EIPR1: variants seen among roughly 807,000 people sequenced by gnomAD.
EIPR1 encodes the protein EARP and GARP complex-interacting protein 1.
In EIPR1, 25 loss-of-function variants were observed where a neutral mutation model predicts 48.1. The ratio of observed to expected loss-of-function variants is 0.52; its 90% CI spans 0.38 to 0.73. The LOEUF (loss-of-function observed/expected upper bound fraction) is 0.73, where lower values mean the gene tolerates loss of function less well. Ranked by LOEUF, EIPR1 falls within the 30% of genes least tolerant of loss-of-function variation. The pLI is 0.00. For synonymous variants in EIPR1, 204 were observed against 201.9 expected (o/e 1.01, Z -0.09); for missense variants, 415 against 506.2 (o/e 0.82, Z 1.73).
intron 4 of EIPR1, among the ~76,000 whole-genome samples, chr2:3,239,589 C>T (rs1029172514): frequency 5.3e-5 from 8 of 152,236 alleles, no homozygotes; most frequent in African/African-American, 1.9e-4. Context: ...CTGCCCTCAG[C>T]ACAGCGCAAA....
At chr2:3,227,553 G>A (rs905696545) in intron 4 of EIPR1, among the ~76,000 whole-genome samples, 1 of 152,220 alleles carries the variant, frequency 6.6e-6, no homozygotes, top group Admixed American at 6.5e-5. Flanking sequence ...CATTTTCTGG[G>A]GAGAAATTCA....
chr2:3,319,430 T>G (rs1419353822), intron 3 of EIPR1: 3 of 171,260 alleles, frequency 1.8e-5, no homozygotes, highest in Non-Finnish European at 3.8e-5. Context: ...GGAGCTGTCA[T>G]TGTCATCATC....
intron 3 of EIPR1, among the ~76,000 whole-genome samples, chr2:3,296,948 G>T (rs913442495): frequency 2.6e-5 from 4 of 152,240 alleles, no homozygotes; most frequent in African/African-American, 9.6e-5. Flanking sequence ...TTCCTTAGGG[G>T]TTTCCAATTA....
chr2:3,208,559 G>C (rs747177363), intron 5 of EIPR1: 26 of 1,549,558 alleles, frequency 1.7e-5, no homozygotes, highest in Middle Eastern at 3.3e-4. Context: ...ATGACCATTT[G>C]TTGGGAAAAG....
intron 4 of EIPR1, among the ~76,000 whole-genome samples, chr2:3,215,640 C>T (rs924328817): frequency 1.3e-5 from 2 of 152,344 alleles, no homozygotes; most frequent in Non-Finnish European, 2.9e-5. Context: ...GAATTTCATT[C>T]CATGTGCTTT....
intron 1 of EIPR1, among the ~76,000 whole-genome samples, chr2:3,371,058 G>C (rs1041007564): frequency 6.6e-6 from 1 of 152,204 alleles, no homozygotes; most frequent in African/African-American, 2.4e-5. Flanking sequence ...AACTCTACAA[G>C]CCAGGAGAGA....
chr2:3,214,013 C>T (rs1322952546), intron 5 of EIPR1, 136 bp downstream of exon 5: 14 of 644,816 alleles, frequency 2.2e-5, no homozygotes, highest in Admixed American at 8.3e-5. Flanking sequence ...CCCAACCCCA[C>T]GACAGGCCCT....
chr2:3,208,385 T>C, intron 5 of EIPR1: 1 of 1,389,234 alleles, frequency 7.2e-7, no homozygotes, highest in Non-Finnish European at 9.5e-7. Context: ...GCATCAGACC[T>C]GACCCACAGC....
intron 2 of EIPR1, among the ~76,000 whole-genome samples, chr2:3,348,069 G>C (rs995102499): frequency 1.3e-5 from 2 of 151,220 alleles, no homozygotes; most frequent in East Asian, 1.9e-4. Context: ...ACTTGCAGGC[G>C]GGGGGGCTGC....
intron 4 of EIPR1, among the ~76,000 whole-genome samples, chr2:3,223,912 C>T (rs1328784761): frequency 2.0e-5 from 3 of 152,160 alleles, no homozygotes; most frequent in Non-Finnish European, 4.4e-5. Flanking sequence ...GCAGAAAGTG[C>T]TCCTCTGTGG....
At chr2:3,354,335 G>T (rs553289573) in intron 2 of EIPR1, among the ~76,000 whole-genome samples, 64 of 152,344 alleles carry the variant, frequency 4.2e-4, no homozygotes, top group Middle Eastern at 6.8e-3. Flanking sequence ...CGGAAGTCAT[G>T]CCAAACAGAG....
At chr2:3,338,671 G>A (rs923466262) in intron 2 of EIPR1, among the ~76,000 whole-genome samples, 2 of 152,144 alleles carry the variant, frequency 1.3e-5, no homozygotes, top group Admixed American at 1.3e-4. Context: ...AGTGAGAAAG[G>A]GCTGTATATT....
chr2:3,277,433 A>G (rs749909498), intron 3 of EIPR1, among the ~76,000 whole-genome samples: 7 of 152,242 alleles, frequency 4.6e-5, no homozygotes, highest in Non-Finnish European at 8.8e-5. Context: ...CCTTGACCCC[A>G]TGTCAAAGAT....
intron 3 of EIPR1, chr2:3,282,435 C>T (rs1668040816): frequency 6.6e-6 from 1 of 152,332 alleles, no homozygotes; most frequent in African/African-American, 2.4e-5. Context: ...CTTGTGTTCC[C>T]TCGTCACTCC....
intron 4 of EIPR1, among the ~76,000 whole-genome samples, chr2:3,256,508 G>A (rs1046452555): frequency 6.6e-6 from 1 of 152,130 alleles, no homozygotes; most frequent in Non-Finnish European, 1.5e-5. Flanking sequence ...AGTATTTGTT[G>A]TATTAAATTT....
intron 3 of EIPR1, among the ~76,000 whole-genome samples, chr2:3,310,827 A>T (rs749808779): frequency 1.3e-5 from 2 of 152,054 alleles, no homozygotes; most frequent in Non-Finnish European, 2.9e-5. Flanking sequence ...TTATATACTA[A>T]ACTTTGTTAC....
At chr2:3,202,261 A>G (rs936747013) in intron 5 of EIPR1, among the ~76,000 whole-genome samples, 6 of 152,244 alleles carry the variant, frequency 3.9e-5, no homozygotes, top group Non-Finnish European at 7.3e-5. Flanking sequence ...TAACTTCCAC[A>G]TGGACAATAT....
intron 4 of EIPR1, among the ~76,000 whole-genome samples, chr2:3,252,460 G>A (rs1245819288): frequency 6.6e-6 from 1 of 152,122 alleles, no homozygotes; most frequent in Admixed American, 6.5e-5. Context: ...GCGTGGTGGT[G>A]GGTGCCTGTA....
intron 3 of EIPR1, among the ~76,000 whole-genome samples, chr2:3,290,791 T>C (rs1668341257): frequency 1.3e-5 from 2 of 152,222 alleles, no homozygotes; most frequent in African/African-American, 2.4e-5. Context: ...CCGTCGGTCA[T>C]CTGGGTCTTT....
Sources: allele counts gnomAD v4.1 joint callset (sites outside exome capture counted in the v4.1 genomes callset), GRCh38; gene constraint gnomAD v4.1.1; transcripts MANE v1.5; gene names NCBI Gene and HGNC (gene_info 2026-07-23, HGNC 2026-07-21).